The following MAEA variants were observed in gnomAD, a reference collection of about 807,000 sequenced individuals.
The protein encoded by MAEA is E3 ubiquitin-protein transferase MAEA.
In MAEA, 22 loss-of-function variants were observed where a neutral mutation model predicts 46.2. The observed-to-expected ratio is 0.48, with a 90% CI of 0.34 to 0.68. MAEA has a LOEUF of 0.68. MAEA is among the 30% of genes least tolerant of loss of function. The pLI is 0.01. For synonymous variants in MAEA, 246 were observed against 222.6 expected, an observed-to-expected ratio of 1.11 and a Z score of -0.94; for missense variants, 393 against 558.1, an observed-to-expected ratio of 0.70 and a Z score of 2.98.
At chr4:1,329,834 G>A (rs1577225206) in intron 5 of MAEA, 1 of 985,498 alleles carries the variant, frequency 1.0e-6, no homozygotes, top group Non-Finnish European at 1.2e-6. Context: ...CTGGCCACAT[G>A]TCTCCTGAGG....
chr4:1,291,312 A>C (rs1047683868), intron 1 of MAEA, among the ~76,000 whole-genome samples: 1 of 152,150 alleles, frequency 6.6e-6, no homozygotes, highest in East Asian at 1.9e-4. Flanking sequence ...ATGGTTTCGC[A>C]GTGGGGTTTC....
chr4:1,300,428 C>T (rs1236382943), intron 1 of MAEA, among the ~76,000 whole-genome samples: 1 of 152,220 alleles, frequency 6.6e-6, no homozygotes, highest in African/African-American at 2.4e-5. Context: ...CAGCTGGCTC[C>T]CTTTGAAATA....
intron 1 of MAEA, among the ~76,000 whole-genome samples, chr4:1,296,629 A>AACT (rs142360848): frequency 0.17 from 22,934 of 131,182 alleles, 3,353 homozygotes; most frequent in East Asian, 0.42. Context: ...TCCTCTCGTG[A>AACT]AAACCCCTTC....
At chr4:1,338,684 G>A (rs920753738) in intron 8 of MAEA, 67 bp downstream of exon 8, 11 of 1,455,650 alleles carry the variant, frequency 7.6e-6, no homozygotes, top group South Asian at 2.6e-5. Flanking sequence ...TGTGTGGGAC[G>A]GGCAGGGCAG....
chr4:1,297,608 G>A (rs938777591), intron 1 of MAEA, among the ~76,000 whole-genome samples: 18 of 152,102 alleles, frequency 1.2e-4, no homozygotes, highest in African/African-American at 4.1e-4. Flanking sequence ...ACAGTCTGAC[G>A]CGGTCGCCTG....
intron 5 of MAEA, chr4:1,328,678 G>T (rs1314794472): frequency 7.8e-7 from 1 of 1,280,770 alleles, no homozygotes; most frequent in African/African-American, 1.5e-5. Flanking sequence ...ATTTGGAGAA[G>T]TGGGCGTCTC....
At chr4:1,336,742 G>C (rs12646130) in intron 6 of MAEA, 119 bp from the exon 7 acceptor site, 108,671 of 862,184 alleles carry the variant, frequency 0.13, 7,673 homozygotes, top group African/African-American at 0.21. Flanking sequence ...CAAAGTGTGT[G>C]GGTCACTGGG....
intron 1 of MAEA, among the ~76,000 whole-genome samples, chr4:1,302,580 C>T (rs997232206): frequency 2.0e-5 from 3 of 152,178 alleles, no homozygotes; most frequent in Admixed American, 6.5e-5. Context: ...CCCGGGTTCA[C>T]GCCATTCTTT....
chr4:1,322,701 AT>A (rs1209089500), intron 4 of MAEA, among the ~76,000 whole-genome samples, 198 bp downstream of exon 4: 1 of 152,200 alleles, frequency 6.6e-6, no homozygotes, highest in African/African-American at 2.4e-5. Context: ...CTCATTTGGC[AT>A]TACAGTTTGT....
At chr4:1,319,727 G>A (rs933402336) in intron 3 of MAEA, among the ~76,000 whole-genome samples, 3 of 151,784 alleles carry the variant, frequency 2.0e-5, no homozygotes, top group Non-Finnish European at 4.4e-5. Flanking sequence ...ACAAGAGAGC[G>A]AGACCCTGTC....
rs370471498 is a variant in MAEA, at chr4:1,311,169, G to T, written c.70-810G>T. ...CCCACTGCTCTTGGGCGGCAGCACG[G>T]CCGTGTTGCTGATGCGCTGTGTGGT... On this transcript the variant is annotated intron_variant, in intron 1 of 8. Transcript: ENST00000303400. The surrounding 1 kb of genome is among the most constrained non-coding windows in gnomAD (Gnocchi z 4.4). 2.0e-4 allele frequency among the ~76,000 whole-genome samples: 31 copies of T among 152,362 alleles called. 1 individual carries two copies. The highest frequency in any genetic ancestry group is 1.3e-3 in the Admixed American group (20 of 15,312).
chr4:1,309,804 G>T, intron 1 of MAEA: 1 of 1,400,806 alleles, frequency 7.1e-7, no homozygotes, highest in Non-Finnish European at 9.3e-7. Flanking sequence ...GGGAGCAAAG[G>T]GTTCCTGTCT....
chr4:1,329,953 A>G (rs1242594850), intron 5 of MAEA: 8 of 985,294 alleles, frequency 8.1e-6, no homozygotes, highest in Admixed American at 1.2e-4. Flanking sequence ...GGCACCATCT[A>G]CAGGGCTTGA....
At chr4:1,317,632 G>T (rs1045537694) in intron 3 of MAEA, among the ~76,000 whole-genome samples, 1 of 152,110 alleles carries the variant, frequency 6.6e-6, no homozygotes, top group African/African-American at 2.4e-5. Context: ...GTGAGTCCTC[G>T]TGTCCTGGAG....
At chr4:1,322,288 C>A in intron 3 of MAEA, 93 bp from the exon 4 acceptor site, 2 of 1,545,454 alleles carry the variant, frequency 1.3e-6, no homozygotes, top group Admixed American at 1.8e-5. Flanking sequence ...GTGGCCGGTG[C>A]TGGGCCTGCC....
intron 1 of MAEA, among the ~76,000 whole-genome samples, chr4:1,303,063 C>T (rs1410877780): frequency 6.6e-6 from 1 of 151,748 alleles, no homozygotes; most frequent in African/African-American, 2.4e-5. Flanking sequence ...CCCTCCTCAG[C>T]TTATCCCCAA....
intron 2 of MAEA, among the ~76,000 whole-genome samples, chr4:1,313,606 C>T (rs1201319537): frequency 1.3e-5 from 2 of 151,936 alleles, no homozygotes; most frequent in Non-Finnish European, 2.9e-5. Flanking sequence ...CTCCTGTAGC[C>T]CCAGCAGATA....
intron 1 of MAEA, among the ~76,000 whole-genome samples, chr4:1,310,968 C>T (rs904847850): frequency 5.3e-5 from 8 of 152,240 alleles, no homozygotes; most frequent in Non-Finnish European, 1.0e-4. Flanking sequence ...TCACTGCAGC[C>T]CTGCCTTCCT....
At position 1,328,690 on chromosome 4, in the gene MAEA, C is replaced by T. The variant is rs555235139; in HGVS notation, c.656+987C>T. ...CCCATTTGGAGAAGTGGGCGTCTCACGATGAGGTGCTGAGGGTGGTCCCCA... is the reference window on the plus strand; with the variant it reads ...CCCATTTGGAGAAGTGGGCGTCTCATGATGAGGTGCTGAGGGTGGTCCCCA... On this transcript the variant is annotated intron_variant, in intron 5 of 8. Coordinates refer to ENST00000303400, the MANE Select transcript of MAEA (RefSeq NM_001017405.3). The T allele has an allele frequency of 1.8e-4, 224 of 1,279,140 alleles. 2 individuals carry two copies. The South Asian group carries it at 2.1e-3, about 12-fold the overall frequency. The allele number at this position is 1,279,140 out of a possible 1,614,324, so 79.2% of individuals were successfully genotyped here.
Sources: gnomAD v4.1 joint callset for allele counts (sites outside exome capture counted in the v4.1 genomes callset) on GRCh38, gnomAD v4.1.1 for gene constraint, Gnocchi (gnomAD v3.1) non-coding constraint, MANE v1.5 for transcripts, NCBI Gene and HGNC (gene_info 2026-07-23, HGNC 2026-07-21) for gene names.